The following NPTN variants were observed in gnomAD, a reference collection of about 807,000 sequenced individuals.
NPTN encodes SDR-1.
In NPTN, 5 loss-of-function variants were observed where a neutral mutation model predicts 42.7. The observed-to-expected ratio is 0.12, with a 90% confidence interval of 0.06 to 0.25. The LOEUF is 0.25. Ranked by LOEUF, NPTN falls within the 10% of genes least tolerant of loss-of-function variation. The pLI is 1.00. For missense variants in NPTN, 307 were observed against 525.4 expected (o/e 0.58, Z 4.06); for synonymous variants, 180 against 201.9 (o/e 0.89, Z 0.92).
At chr15:73,564,740 G>A (rs62004586) in intron 6 of NPTN, among the ~76,000 whole-genome samples, 1 of 152,138 alleles carries the variant, frequency 6.6e-6, no homozygotes, top group African/African-American at 2.4e-5. Flanking sequence ...TCAGCATCCC[G>A]GCCAAGCCAG....
intron 4 of NPTN, among the ~76,000 whole-genome samples, chr15:73,579,373 T>A (rs576109121): frequency 1.3e-5 from 2 of 152,120 alleles, no homozygotes; most frequent in Non-Finnish European, 2.9e-5. Flanking sequence ...GGATATAAAT[T>A]TCAGGTATCA....
chr15:73,587,459 C>T, intron 4 of NPTN, 65 bp downstream of exon 4: 1 of 1,184,480 alleles, frequency 8.4e-7, no homozygotes. Flanking sequence ...ACTGGGACTC[C>T]AGACCAAGGT....
At chr15:73,618,135 C>A (rs1378469809) in intron 1 of NPTN, among the ~76,000 whole-genome samples, 2 of 152,214 alleles carry the variant, frequency 1.3e-5, no homozygotes, top group African/African-American at 2.4e-5. Flanking sequence ...TTACTAGCCG[C>A]CTGCCTGGAA....
intron 6 of NPTN, chr15:73,565,812 C>G (rs974128855): frequency 6.6e-6 from 3 of 456,280 alleles, no homozygotes; most frequent in Non-Finnish European, 1.3e-5. Context: ...CGTGTTCCAT[C>G]TTCCCAACCG....
At chr15:73,578,057 T>C (rs1298901737) in intron 4 of NPTN, among the ~76,000 whole-genome samples, 1 of 152,088 alleles carries the variant, frequency 6.6e-6, no homozygotes. Context: ...GGATTGTGCT[T>C]GTTATGTACA....
In NPTN at chr15:73,568,207, C is replaced by T. The variant is rs182707259; in HGVS notation, c.1114+1943G>A. On this transcript the variant is annotated intron_variant, in intron 6 of 8. Coordinates refer to ENST00000345330, the MANE Select transcript of NPTN (RefSeq NM_012428.4). ...TAACCTACCACATGCACTGTGATAG[C>T]AACCTCATAAGCGCGGTGACTTCTT... is the stretch of plus-strand genomic sequence containing the variant. 199 of 985,520 alleles carry T rather than the reference C, an allele frequency of 2.0e-4. 1 individual carries two copies. In the African/African-American group the frequency reaches 3.2e-3, roughly 16 times the overall value. The allele number at this position is 985,520 out of a possible 1,614,324, so 61.0% of individuals were successfully genotyped here.
Position 73,597,357 on chromosome 15 carries a change from T to C in NPTN, c.104A>G (p.Lys35Arg). Residue 35 changes from lysine (K) to arginine (R), a missense_variant, in exon 2 of 9, where the codon AAG becomes AGG. Around this residue, in one of 2 missense-constraint regions of NPTN, gnomAD observed 264 missense variants for 491.1 expected, o/e 0.54. Coordinates refer to ENST00000345330, the MANE Select transcript of NPTN (RefSeq NM_012428.4). This position sits in a 1 kb window ranked among gnomAD's most constrained non-coding sequence, Gnocchi z 6.3. ...PGAAQNAGFVKSPMSETKLTG... is the reference protein window; with the variant it reads ...PGAAQNAGFVRSPMSETKLTG... ...GAGCTTAGTTTCTGACATGGGCGAC[T>C]TGACAAACCCAGCTAGAGGGAGGGG... 1 of 1,610,786 alleles carries C rather than the reference T, an allele frequency of 6.2e-7. No individual in the cohort carries two copies. The highest frequency in any genetic ancestry group is 8.5e-7 in the Non-Finnish European group (1 of 1,178,258).
chr15:73,601,991 T>C (rs1321436095), intron 1 of NPTN, among the ~76,000 whole-genome samples: 2 of 151,974 alleles, frequency 1.3e-5, no homozygotes, highest in East Asian at 1.9e-4. Flanking sequence ...AAGGAGGAGC[T>C]TGCTGGCAGG....
intron 1 of NPTN, among the ~76,000 whole-genome samples, chr15:73,625,099 T>TA (rs1279064228): frequency 2.0e-5 from 3 of 152,192 alleles, no homozygotes; most frequent in Non-Finnish European, 2.9e-5. Context: ...ACATGGCATG[T>TA]AAAAAATAAA....
intron 1 of NPTN, among the ~76,000 whole-genome samples, chr15:73,612,354 A>C (rs1897624838): frequency 6.6e-6 from 1 of 151,716 alleles, no homozygotes; most frequent in Admixed American, 6.6e-5. Context: ...AGGAGGTCGA[A>C]GCTGCAATAA....
chr15:73,587,727 T>C (rs1896386239), intron 3 of NPTN, 109 bp from the exon 4 acceptor site: 4 of 756,640 alleles, frequency 5.3e-6, no homozygotes, highest in Non-Finnish European at 6.8e-6. Flanking sequence ...GAACCCTTAA[T>C]GCAACTCACC....
intron 2 of NPTN, among the ~76,000 whole-genome samples, chr15:73,595,755 T>A (rs1896808496): frequency 6.6e-6 from 1 of 152,162 alleles, no homozygotes; most frequent in African/African-American, 2.4e-5. Flanking sequence ...TATAACCAGG[T>A]TTGATGTGGG....
At position 73,561,033 on chromosome 15, in the gene NPTN, T is replaced by G. The variant is rs1894628899; in HGVS notation, c.*30A>C. 6.6e-6 allele frequency: 1 copy of G among 152,654 alleles called. No individual in the cohort carries two copies. Among genetic ancestry groups the G allele is most frequent in the South Asian group, 2.1e-4 (1 of 4,834 alleles). 9.5% of individuals were successfully genotyped at this position (152,654 alleles called of 1,614,324 possible). A position where few individuals can be genotyped will look rare whatever the true frequency, so the allele number is the denominator to read the frequency against. Reference sequence around the variant, plus strand: ...TTAGCAGGTCATGTTGCCACCAGTTTCAGGAACCTAAAGATCTGTAAAGAA... The same window carrying G: ...TTAGCAGGTCATGTTGCCACCAGTTGCAGGAACCTAAAGATCTGTAAAGAA... On this transcript the variant is annotated 3_prime_UTR_variant, in exon 9 of 9. Coordinates refer to ENST00000345330, the MANE Select transcript of NPTN (RefSeq NM_012428.4).
At chr15:73,565,841 C>G (rs1191359364) in intron 6 of NPTN, 1 of 455,488 alleles carries the variant, frequency 2.2e-6, no homozygotes, top group African/African-American at 2.0e-5. Context: ...ACAGCCCTCA[C>G]TCCCCCTATA....
At chr15:73,568,779 T>C in intron 6 of NPTN, 1 of 985,538 alleles carries the variant, frequency 1.0e-6, no homozygotes, top group Non-Finnish European at 1.2e-6. Flanking sequence ...AGTGCACATC[T>C]GGAGGGAGTC....
chr15:73,619,434 G>A lies in NPTN; in HGVS notation c.91+13691C>T, dbSNP rs537691118. ...AAAACTCATGCTGCTAAATTTCTAA[G>A]TCAAGCAACAACTACCAAAACATGT... On this transcript the variant is annotated intron_variant, in intron 1 of 8. Coordinates refer to ENST00000345330, the MANE Select transcript of NPTN (RefSeq NM_012428.4). Among the ~76,000 whole-genome samples, 11 of 152,266 alleles carry A rather than the reference G, an allele frequency of 7.2e-5. 1 individual carries two copies. The South Asian group carries it at 2.1e-3, about 29-fold the overall frequency.
intron 7 of NPTN, 50 bp downstream of exon 7, chr15:73,563,183 CACA>C (rs942823751): frequency 1.6e-6 from 2 of 1,267,974 alleles, no homozygotes; most frequent in Middle Eastern, 1.9e-4. Context: ...AAACTGCAAA[CACA>C]ACATCATTCA....
At chr15:73,612,671 G>A (rs1897651819) in intron 1 of NPTN, among the ~76,000 whole-genome samples, 1 of 152,148 alleles carries the variant, frequency 6.6e-6, no homozygotes, top group Non-Finnish European at 1.5e-5. Context: ...GTGGGAGGCT[G>A]AGGCAGGACA....
chr15:73,597,485 A>C lies in NPTN; in HGVS notation c.92-116T>G. On this transcript the variant is annotated intron_variant, in intron 1 of 8. Coordinates refer to ENST00000345330, the MANE Select transcript of NPTN (RefSeq NM_012428.4). The surrounding 1 kb of genome is among the most constrained non-coding windows in gnomAD (Gnocchi z 6.3). ...AAAGAAAAAAGCAAATGAGTTGCAA[A>C]GAACAAAAAAGGATTCATTTTTAAA... The C allele has an allele frequency of 1.3e-6, 1 of 758,084 alleles. No homozygotes were observed. The highest frequency in any genetic ancestry group is 2.1e-6 in the Non-Finnish European group (1 of 473,866). 47.0% of individuals were successfully genotyped at this position (758,084 alleles called of 1,614,324 possible).
Sources: gnomAD v4.1 joint callset for allele counts (sites outside exome capture counted in the v4.1 genomes callset) on GRCh38, gnomAD v4.1.1 for gene constraint, gnomAD v4.1.1 regional missense constraint, Gnocchi (gnomAD v3.1) non-coding constraint, MANE v1.5 for transcripts, NCBI Gene and HGNC (gene_info 2026-07-23, HGNC 2026-07-21) for gene names.